Variants in DCTD observed in about 807,000 individuals in gnomAD.
DCTD encodes deoxycytidylate deaminase.
Under a neutral mutation model 21.0 loss-of-function variants are expected in DCTD, and 23 were observed. The ratio of observed to expected loss-of-function variants is 1.09; its 90% CI spans 0.79 to 1.55. The LOEUF (loss-of-function observed/expected upper bound fraction) is 1.55. DCTD is among the 40% of genes most tolerant of loss of function. The probability of loss-of-function intolerance (pLI) is 0.00; values close to 1 mark genes in which losing one functional copy is unlikely to be tolerated. For missense variants in DCTD, 224 were observed against 230.0 expected (o/e 0.97, Z 0.17); for synonymous variants, 71 against 81.1 (o/e 0.88, Z 0.67).
chr4:182,903,519 G>C (rs1736121128), intron 3 of DCTD, among the ~76,000 whole-genome samples: 1 of 152,164 alleles, frequency 6.6e-6, no homozygotes, highest in African/African-American at 2.4e-5. Flanking sequence ...AAAATGTGTG[G>C]GCTCTGTTCT....
chr4:182,892,925 C>T (rs1318353567), intron 5 of DCTD, 106 bp downstream of exon 5: 1 of 706,548 alleles, frequency 1.4e-6, no homozygotes, highest in African/African-American at 1.8e-5. Context: ...CTAAAGACAC[C>T]TCCAAGTGTG....
upstream of DCTD, chr4:182,917,522 A>C: frequency 7.2e-6 from 2 of 278,388 alleles, no homozygotes; most frequent in Non-Finnish European, 1.1e-5. The surrounding 1 kb of genome is among the most constrained non-coding windows in gnomAD (Gnocchi z 4.9). Context: ...GCACGCCGCA[A>C]AGGCGCTGCT....
intron 3 of DCTD, among the ~76,000 whole-genome samples, chr4:182,910,320 T>C (rs1245883350): frequency 6.6e-6 from 1 of 152,220 alleles, no homozygotes. Flanking sequence ...CGGGAACAAG[T>C]TAATTCTCCA....
chr4:182,892,281 T>C (rs1013093647), intron 5 of DCTD, among the ~76,000 whole-genome samples: 1 of 152,184 alleles, frequency 6.6e-6, no homozygotes, highest in African/African-American at 2.4e-5. Context: ...TCAAAGGTAG[T>C]TGAACTTACT....
chr4:182,891,623 G>A, intron 5 of DCTD, 146 bp from the exon 6 acceptor site: 1 of 615,866 alleles, frequency 1.6e-6, no homozygotes, highest in Non-Finnish European at 2.9e-6. Flanking sequence ...CAATTATAGT[G>A]CACCATACCA....
rs1736418014 is a variant in DCTD, at chr4:182,905,016, C to T, written c.244+9907G>A. On this transcript the variant is annotated intron_variant, in intron 3 of 5. Coordinates refer to ENST00000438320, the MANE Select transcript of DCTD (RefSeq NM_001921.3). ...AAAACCAAAGCCAAAACCAGATTCT[C>T]CTATCCTACAAACAATGCAATCCTT... is the stretch of plus-strand genomic sequence containing the variant. Among the ~76,000 whole-genome samples the T allele has an allele frequency of 2.0e-5, 3 of 152,318 alleles. No individual in the cohort carries two copies. The South Asian group carries it at 6.2e-4, about 32-fold the overall frequency.
intron 2 of DCTD, among the ~76,000 whole-genome samples, 182 bp from the exon 3 acceptor site, chr4:182,915,240 G>C (rs1008311313): frequency 2.6e-5 from 4 of 152,210 alleles, no homozygotes; most frequent in Non-Finnish European, 5.9e-5. Context: ...CAAGGAAAGT[G>C]CACCCCCAGT....
In DCTD at chr4:182,914,964, C is replaced by T. The variant is rs1357581290; in HGVS notation, c.203G>A (p.Arg68Lys). 6.2e-7 allele frequency: 1 copy of T among 1,614,220 alleles called. No homozygotes were observed. The stretch of plus-strand genomic sequence containing the variant: ...GTCCAGCTTATTCTCTGCTGTCCTT[C>T]TCCAAGGCAACACGTCATCACTGCA... The part of the protein sequence containing the change: ...NGCSDDVLPW[R>K]RTAENKLDTK... Residue 68 changes from arginine (R) to lysine (K), a missense_variant, in exon 3 of 6, where the codon AGA (arginine) becomes AAA (lysine). Transcript: ENST00000438320.
chr4:182,909,140 ATAAT>A (rs1737247906), intron 3 of DCTD, among the ~76,000 whole-genome samples: 1 of 152,244 alleles, frequency 6.6e-6, no homozygotes. Flanking sequence ...CACTTTAAAA[ATAAT>A]TAACTCTGTA....
chr4:182,913,177 G>A (rs919485279), intron 3 of DCTD, among the ~76,000 whole-genome samples: 1 of 152,174 alleles, frequency 6.6e-6, no homozygotes, highest in Non-Finnish European at 1.5e-5. Flanking sequence ...AAATCAGGGT[G>A]ACAGTTTCTG....
At chr4:182,917,579 C>G (rs966874683), upstream of DCTD, 2 of 193,554 alleles carry the variant, frequency 1.0e-5, no homozygotes, top group East Asian at 1.4e-4. This position sits in a 1 kb window ranked among gnomAD's most constrained non-coding sequence, Gnocchi z 4.9. Flanking sequence ...GCCCGCGGTC[C>G]GGCCGGCGGT....
chr4:182,897,001 C>G (rs1371148176), intron 3 of DCTD, among the ~76,000 whole-genome samples: 3 of 152,110 alleles, frequency 2.0e-5, no homozygotes, highest in African/African-American at 4.8e-5. Flanking sequence ...ATATTCAGAA[C>G]TGCAGAGCCT....
At chr4:182,900,082 A>AG (rs1198833517) in intron 3 of DCTD, among the ~76,000 whole-genome samples, 2 of 152,132 alleles carry the variant, frequency 1.3e-5, no homozygotes, top group African/African-American at 4.8e-5. Flanking sequence ...TGGGAGGCCA[A>AG]GTGGGGGAGA....
chr4:182,916,816 T>C, intron 1 of DCTD: 1 of 1,109,838 alleles, frequency 9.0e-7, no homozygotes, highest in Non-Finnish European at 1.1e-6. Context: ...TCTCCTGGTG[T>C]GGCTGAACGC....
At chr4:182,896,552 G>C (rs1306000060) in intron 3 of DCTD, among the ~76,000 whole-genome samples, 1 of 152,154 alleles carries the variant, frequency 6.6e-6, no homozygotes, top group African/African-American at 2.4e-5. Flanking sequence ...GAGACTTGCA[G>C]GTCTCATAAA....
At chr4:182,901,345 C>G (rs1319086192) in intron 3 of DCTD, among the ~76,000 whole-genome samples, 1 of 152,188 alleles carries the variant, frequency 6.6e-6, no homozygotes, top group African/African-American at 2.4e-5. Flanking sequence ...GTTCTGAACT[C>G]TAGTTCTAGT....
Position 182,917,368 on chromosome 4 carries a change from G to T in DCTD, c.-65C>A. The T allele has an allele frequency of 9.1e-7, 1 of 1,093,118 alleles. No homozygotes were observed. The highest frequency in any genetic ancestry group is 4.4e-5 in the South Asian group (1 of 22,962). 67.7% of individuals were successfully genotyped at this position (1,093,118 alleles called of 1,614,324 possible). A position where few individuals can be genotyped will look rare whatever the true frequency, so the allele number is the denominator to read the frequency against. ...CTCGTCCCCGCCGCCGCCGTGCTCA[G>T]GGAAGGAAGTCGGGGGAGGAGGCGG... On this transcript the variant is annotated 5_prime_UTR_variant, in exon 1 of 6. In the 5' UTR this introduces an upstream ATG that the reference lacks. Transcript: ENST00000438320. The surrounding 1 kb of genome is among the most constrained non-coding windows in gnomAD (Gnocchi z 4.9).
chr4:182,902,608 C>A (rs1439472070), intron 3 of DCTD, among the ~76,000 whole-genome samples: 1 of 152,226 alleles, frequency 6.6e-6, no homozygotes, highest in Non-Finnish European at 1.5e-5. Context: ...AGGGGAGCAG[C>A]CCTTAGTAAC....
chr4:182,916,854 C>A, intron 1 of DCTD: 1 of 1,037,300 alleles, frequency 9.6e-7, no homozygotes, highest in South Asian at 2.7e-5. Context: ...GGACTGAGGC[C>A]CAGCTGTAGA....
Sources: allele counts gnomAD v4.1 joint callset (sites outside exome capture counted in the v4.1 genomes callset), GRCh38; gene constraint gnomAD v4.1.1; non-coding constraint Gnocchi (gnomAD v3.1); transcripts MANE v1.5; gene names NCBI Gene and HGNC (gene_info 2026-07-23, HGNC 2026-07-21).